The following SEMA3C variants were observed in gnomAD, a reference collection of about 807,000 sequenced individuals.
SEMA3C encodes semaphorin-3C.
In SEMA3C, 47 loss-of-function variants were observed where a neutral mutation model predicts 89.4. The ratio of observed to expected loss-of-function variants is 0.53; its 90% CI spans 0.42 to 0.67. The LOEUF (loss-of-function observed/expected upper bound fraction) is 0.67. Ranked by LOEUF, SEMA3C falls within the 30% of genes least tolerant of loss-of-function variation. The pLI is 0.00. For synonymous variants in SEMA3C, 310 were observed against 320.2 expected, an observed-to-expected ratio of 0.97 and a Z score of 0.34; for missense variants, 839 against 929.1, an observed-to-expected ratio of 0.90 and a Z score of 1.26.
Position 80,758,340 on chromosome 7 carries a change from G to A in SEMA3C, c.1634C>T (p.Thr545Ile). Residue 545 changes from threonine to isoleucine, a missense_variant, in exon 15 of 18, where the codon ACT becomes ATT. By Grantham distance (89) the Thr-to-Ile change is moderately conservative. Coordinates refer to ENST00000265361, the MANE Select transcript of SEMA3C (RefSeq NM_006379.5). ...AGTGTTTAGTGCTCACCGTTTCCCA[G>A]TTGGGTAGAATCTGGAACAGGAATG... ...DGHSCSRFYP[T>I]GKRRSRRQDV... The A allele has an allele frequency of 6.2e-7, 1 of 1,613,062 alleles. No homozygotes were observed. Among genetic ancestry groups the A allele is most frequent in the South Asian group, 1.1e-5 (1 of 91,008 alleles).
chr7:80,905,757 C>T, intron 2 of SEMA3C: 1 of 806,862 alleles, frequency 1.2e-6, no homozygotes, highest in Non-Finnish European at 1.8e-6. Context: ...TGTGAGGTGT[C>T]TATGCTTCTT....
intron 2 of SEMA3C, among the ~76,000 whole-genome samples, chr7:80,903,009 G>A (rs1791920812): frequency 6.6e-6 from 1 of 152,224 alleles, no homozygotes; most frequent in South Asian, 2.1e-4. Flanking sequence ...GCCCTGACAG[G>A]GTTTGATCCA....
intron 11 of SEMA3C, chr7:80,793,461 A>G (rs1419155283): frequency 2.2e-6 from 1 of 450,998 alleles, no homozygotes. Context: ...ACACAAGAAT[A>G]AAAAATTACT....
intron 2 of SEMA3C, among the ~76,000 whole-genome samples, chr7:80,842,269 C>T (rs1460863573): frequency 2.0e-5 from 3 of 152,144 alleles, no homozygotes; most frequent in Non-Finnish European, 4.4e-5. Context: ...TTTCTCTTTC[C>T]TTTGTGCTAG....
chr7:80,766,228 C>G (rs1199246598), intron 12 of SEMA3C, among the ~76,000 whole-genome samples: 2 of 152,186 alleles, frequency 1.3e-5, no homozygotes, highest in Admixed American at 1.3e-4. Context: ...CATAGCTAGT[C>G]AGACATGAAT....
rs539369549 is a variant in SEMA3C at position 80,872,160 on chromosome 7, T to C, written c.104-43415A>G. On this transcript the variant is annotated intron_variant, in intron 2 of 17. Transcript: ENST00000265361. ...TTTTCTCAGAATCTCCTTTTGTTGT[T>C]GTTGTTTTCAGACAGAGTCTCGCTC... Among the ~76,000 whole-genome samples the C allele has an allele frequency of 1.4e-4, 21 of 152,210 alleles. No homozygotes were observed. In the South Asian group the frequency reaches 1.9e-3, roughly 14 times the overall value.
intron 2 of SEMA3C, among the ~76,000 whole-genome samples, chr7:80,902,732 T>G (rs1386848496): frequency 6.6e-6 from 1 of 152,196 alleles, no homozygotes; most frequent in African/African-American, 2.4e-5. Flanking sequence ...TGTTCCCATT[T>G]CCAGGCTCCA....
intron 4 of SEMA3C, among the ~76,000 whole-genome samples, chr7:80,818,698 A>G (rs779127963): frequency 4.1e-4 from 62 of 152,324 alleles, no homozygotes; most frequent in Non-Finnish European, 8.1e-4. Flanking sequence ...ATGTTTTTAA[A>G]AAGTTTACGA....
chr7:80,824,924 A>G (rs1321350176), intron 4 of SEMA3C, among the ~76,000 whole-genome samples: 1 of 152,166 alleles, frequency 6.6e-6, no homozygotes, highest in African/African-American at 2.4e-5. Context: ...CAGTGTATAT[A>G]TGTCTCACCA....
At chr7:80,898,457 T>A (rs973996266) in intron 2 of SEMA3C, among the ~76,000 whole-genome samples, 2 of 152,200 alleles carry the variant, frequency 1.3e-5, no homozygotes, top group African/African-American at 4.8e-5. Flanking sequence ...GAATTCCATA[T>A]ATAATAATAA....
chr7:80,862,622 G>A (rs1437165918), intron 2 of SEMA3C, among the ~76,000 whole-genome samples: 1 of 151,976 alleles, frequency 6.6e-6, no homozygotes, highest in Non-Finnish European at 1.5e-5. Context: ...TCAAAAAAGA[G>A]CCTGTATAGC....
intron 1 of SEMA3C, chr7:80,918,552 C>CA (rs1211799928): frequency 6.6e-6 from 1 of 152,310 alleles, no homozygotes; most frequent in East Asian, 1.9e-4. Flanking sequence ...CGCAAACTAA[C>CA]AACACATTAA....
At chr7:80,850,647 CATAT>C (rs1790489823) in intron 2 of SEMA3C, among the ~76,000 whole-genome samples, 1 of 152,150 alleles carries the variant, frequency 6.6e-6, no homozygotes, top group South Asian at 2.1e-4. Context: ...AGGGTCTAGA[CATAT>C]TTTTCAGCCT....
At chr7:80,882,471 A>G (rs1444415979) in intron 2 of SEMA3C, among the ~76,000 whole-genome samples, 1 of 35,120 alleles carries the variant, frequency 2.8e-5, no homozygotes, top group Non-Finnish European at 5.5e-5. Flanking sequence ...GCCTCGTATT[A>G]TTTATTTATT....
chr7:80,756,135 AT>A (rs1788060494), intron 15 of SEMA3C, among the ~76,000 whole-genome samples: 1 of 152,150 alleles, frequency 6.6e-6, no homozygotes, highest in Non-Finnish European at 1.5e-5. Context: ...TATAGATACC[AT>A]TCATGTAACA....
intron 2 of SEMA3C, among the ~76,000 whole-genome samples, chr7:80,848,752 T>C (rs1021666619): frequency 2.0e-5 from 3 of 152,182 alleles, no homozygotes; most frequent in South Asian, 2.1e-4. Context: ...CATTCTTTCA[T>C]CTCATTTTAA....
chr7:80,790,356 G>A (rs892046763), intron 11 of SEMA3C, among the ~76,000 whole-genome samples: 1 of 151,962 alleles, frequency 6.6e-6, no homozygotes, highest in African/African-American at 2.4e-5. Context: ...GAGAAGGGGA[G>A]GAGAGAAGAA....
chr7:80,874,039 A>T (rs1791138791), intron 2 of SEMA3C, among the ~76,000 whole-genome samples: 1 of 152,178 alleles, frequency 6.6e-6, no homozygotes. Context: ...CAAAGGTGTA[A>T]GGTGTCCCAA....
intron 2 of SEMA3C, among the ~76,000 whole-genome samples, chr7:80,844,178 T>C (rs1790336174): frequency 6.6e-6 from 1 of 152,096 alleles, no homozygotes; most frequent in Non-Finnish European, 1.5e-5. Context: ...ATAGCTGCAG[T>C]CTTCAAATTT....
Sources: allele counts gnomAD v4.1 joint callset (sites outside exome capture counted in the v4.1 genomes callset), GRCh38; gene constraint gnomAD v4.1.1; transcripts MANE v1.5; gene names NCBI Gene and HGNC (gene_info 2026-07-23, HGNC 2026-07-21).